IGLON5: variants seen among roughly 807,000 people sequenced by gnomAD.
IGLON5 encodes IgLON family member 5.
IGLON5 carries 16 observed loss-of-function variants against 38.2 expected under a neutral mutation model. That is an observed-to-expected ratio of 0.42 (90% confidence interval 0.28 to 0.64). The LOEUF is 0.64. IGLON5 is among the 30% of genes least tolerant of loss of function. IGLON5 has a pLI of 0.23. For synonymous variants in IGLON5, 207 were observed against 216.4 expected, an observed-to-expected ratio of 0.96 and a Z score of 0.38; for missense variants, 366 against 483.4, an observed-to-expected ratio of 0.76 and a Z score of 2.28.
chr19:51,315,034 G>A (rs1051070693), intron 1 of IGLON5, among the ~76,000 whole-genome samples: 4 of 151,924 alleles, frequency 2.6e-5, no homozygotes, highest in Admixed American at 6.6e-5. Context: ...CTCTGCAATC[G>A]GCCTTTTCCC....
rs1985159749 is a variant in IGLON5, at chr19:51,324,313, C to T, written c.391+419C>T. The stretch of plus-strand genomic sequence containing the variant: ...CTTTGGCTGGGCACAGGGCTAAGAC[C>T]GGAAAAGAAACAGTGTGTGCAGGGC... On this transcript the variant is annotated intron_variant, in intron 3 of 7. Transcript: ENST00000270642. The surrounding 1 kb of genome is among the most constrained non-coding windows in gnomAD (Gnocchi z 4.2). Among the ~76,000 whole-genome samples, 1 of 152,100 alleles carries T rather than the reference C, an allele frequency of 6.6e-6. No individual in the cohort carries two copies. The highest frequency in any genetic ancestry group is 6.5e-5 in the Admixed American group (1 of 15,272).
rs1340823151 is a variant in IGLON5 at position 51,325,155 on chromosome 19, C to T, written c.392-191C>T. On this transcript the variant is annotated intron_variant, in intron 3 of 7. Coordinates refer to ENST00000270642, the MANE Select transcript of IGLON5 (RefSeq NM_001101372.3). This position sits in a 1 kb window ranked among gnomAD's most constrained non-coding sequence, Gnocchi z 5.5. ...AGGGAGAAGGGGCTGGGGTACTGGA[C>T]TCTTGGGTCTGAGGGAAGAGGAACT... is the stretch of plus-strand genomic sequence containing the variant. 6.6e-5 allele frequency among the ~76,000 whole-genome samples: 10 copies of T among 151,178 alleles called. No homozygotes were observed. The East Asian group carries it at 2.0e-3, about 30-fold the overall frequency.
chr19:51,314,340 C>T (rs1162266054), intron 1 of IGLON5, among the ~76,000 whole-genome samples: 2 of 152,058 alleles, frequency 1.3e-5, no homozygotes, highest in African/African-American at 2.4e-5. Context: ...TGTGCCACCA[C>T]GCTGGGCTAA....
rs767807401 is a variant in IGLON5 at position 51,328,339 on chromosome 19, C to CAAAAA, written c.923-321_923-317dup. ...CAACATGGTGAAACTATGTCTCTAC[C>CAAAAA]AAAAAAAAAAAAAAATACAAAAATT... On this transcript the variant is annotated intron_variant, in intron 7 of 7. Coordinates refer to ENST00000270642, the MANE Select transcript of IGLON5 (RefSeq NM_001101372.3). Among the ~76,000 whole-genome samples, 48 of 124,132 alleles carry CAAAAA rather than the reference C, an allele frequency of 3.9e-4. 2 individuals are homozygous for CAAAAA. Among genetic ancestry groups the CAAAAA allele is most frequent in the African/African-American group, 1.2e-3 (36 of 29,102 alleles). The allele number at this position is 124,132 out of a possible 152,430, so 81.4% of individuals were successfully genotyped here. A position where few individuals can be genotyped will look rare whatever the true frequency, so the allele number is the denominator to read the frequency against.
Position 51,324,499 on chromosome 19 carries a change from T to C in IGLON5, c.391+605T>C, listed in dbSNP as rs1225988398. On this transcript the variant is annotated intron_variant, in intron 3 of 7. Coordinates refer to ENST00000270642, the MANE Select transcript of IGLON5 (RefSeq NM_001101372.3). The surrounding 1 kb of genome is among the most constrained non-coding windows in gnomAD (Gnocchi z 4.2). ...AGGGAGCACCTGGAGAGACAGGACC[T>C]GGAGACAGAGAGAATCCAGGGGGAT... is the stretch of plus-strand genomic sequence containing the variant. Among the ~76,000 whole-genome samples the C allele has an allele frequency of 1.3e-5, 2 of 151,988 alleles. No homozygotes were observed. The highest frequency in any genetic ancestry group is 2.4e-5 in the African/African-American group (1 of 41,372).
chr19:51,315,278 G>C (rs972047916), intron 1 of IGLON5, among the ~76,000 whole-genome samples: 1 of 150,240 alleles, frequency 6.7e-6, no homozygotes. Flanking sequence ...ATGGTCAGGA[G>C]GGGGCAGGAG....
At chr19:51,317,426 T>C (rs1273496629) in intron 1 of IGLON5, among the ~76,000 whole-genome samples, 1 of 152,114 alleles carries the variant, frequency 6.6e-6, no homozygotes, top group Non-Finnish European at 1.5e-5. Context: ...CCATTTCAGG[T>C]GGGGAAACTG....
At chr19:51,326,740 C>T in intron 4 of IGLON5, 24 bp from the exon 5 acceptor site, 1 of 1,531,906 alleles carries the variant, frequency 6.5e-7, no homozygotes, top group Non-Finnish European at 8.8e-7. Flanking sequence ...CGGCCCCGCC[C>T]CCTCCTCCTC....
intron 1 of IGLON5, among the ~76,000 whole-genome samples, chr19:51,313,647 TTTTC>T (rs1555750477): frequency 0.022 from 2,543 of 116,148 alleles, 43 homozygotes; most frequent in South Asian, 0.023. Flanking sequence ...CTCTCTCTCT[TTTTC>T]TTTCTTTCTT....
rs911489254 is a variant in IGLON5, at chr19:51,325,880, C to T, written c.511+415C>T. On this transcript the variant is annotated intron_variant, in intron 4 of 7. Transcript: ENST00000270642. This position sits in a 1 kb window ranked among gnomAD's most constrained non-coding sequence, Gnocchi z 5.5. ...CTGGACGCTCTAGCCCAGCGGGCCT[C>T]ATGGTGTGGGCCCCAGACCCGAAGC... is the stretch of plus-strand genomic sequence containing the variant. 5.9e-5 allele frequency among the ~76,000 whole-genome samples: 9 copies of T among 152,140 alleles called. No individual in the cohort carries two copies. The highest frequency in any genetic ancestry group is 2.2e-4 in the African/African-American group (9 of 41,412).
rs1272569356 is a variant in IGLON5 at position 51,325,790 on chromosome 19, G to A, written c.511+325G>A. On this transcript the variant is annotated intron_variant, in intron 4 of 7. Coordinates refer to ENST00000270642, the MANE Select transcript of IGLON5 (RefSeq NM_001101372.3). The surrounding 1 kb of genome is among the most constrained non-coding windows in gnomAD (Gnocchi z 5.5). ...GCATTCTCCTGGGCTGAGATCCCCTGCCACTAGGTGCCCTAAGCCAGGCTG... is the reference window on the plus strand; with the variant it reads ...GCATTCTCCTGGGCTGAGATCCCCTACCACTAGGTGCCCTAAGCCAGGCTG... Among the ~76,000 whole-genome samples the A allele has an allele frequency of 6.6e-6, 1 of 152,008 alleles. No individual in the cohort carries two copies. Among genetic ancestry groups the A allele is most frequent in the African/African-American group, 2.4e-5 (1 of 41,374 alleles).
At chr19:51,321,019 GT>G (rs1396864505) in intron 1 of IGLON5, among the ~76,000 whole-genome samples, 6 of 152,108 alleles carry the variant, frequency 3.9e-5, no homozygotes, top group African/African-American at 1.4e-4. Flanking sequence ...ATGTACATGT[GT>G]ATTTGTGTGT....
At position 51,325,149 on chromosome 19, in the gene IGLON5, A is replaced by G. The variant is rs572418774; in HGVS notation, c.392-197A>G. ...GGTCTGAGGGAGAAGGGGCTGGGGT[A>G]CTGGACTCTTGGGTCTGAGGGAAGA... On this transcript the variant is annotated intron_variant, in intron 3 of 7. Coordinates refer to ENST00000270642, the MANE Select transcript of IGLON5 (RefSeq NM_001101372.3). The surrounding 1 kb of genome is among the most constrained non-coding windows in gnomAD (Gnocchi z 5.5). Among the ~76,000 whole-genome samples the G allele has an allele frequency of 2.0e-5, 3 of 151,212 alleles. No homozygotes were observed. The highest frequency in any genetic ancestry group is 1.3e-4 in the Admixed American group (2 of 15,220).
At position 51,327,928 on chromosome 19, in the gene IGLON5, C is replaced by A. The variant is rs988345931; in HGVS notation, c.922+42C>A. Reference sequence around the variant, plus strand: ...GGCGGGGCCGGGAAGGTGGGCGGGGCCGGGGGCGGGGCTAGGGAAGTGGAG... The same window carrying A: ...GGCGGGGCCGGGAAGGTGGGCGGGGACGGGGGCGGGGCTAGGGAAGTGGAG... On this transcript the variant is annotated intron_variant, in intron 7 of 7. Coordinates refer to ENST00000270642, the MANE Select transcript of IGLON5 (RefSeq NM_001101372.3). The surrounding 1 kb of genome is among the most constrained non-coding windows in gnomAD (Gnocchi z 7.1). 4 of 1,441,074 alleles carry A rather than the reference C, an allele frequency of 2.8e-6. No homozygotes were observed. Among genetic ancestry groups the A allele is most frequent in the East Asian group, 2.6e-5 (1 of 38,508 alleles). 89.3% of individuals were successfully genotyped at this position (1,441,074 alleles called of 1,614,324 possible).
At chr19:51,326,724 T>C (rs1985224211) in intron 4 of IGLON5, 40 bp from the exon 5 acceptor site, 1 of 1,507,148 alleles carries the variant, frequency 6.6e-7, no homozygotes, top group Non-Finnish European at 8.9e-7. Flanking sequence ...GTTAAGTGTT[T>C]GTGTCCGGCC....
At chr19:51,312,332 T>C (rs1307931952) in intron 1 of IGLON5, among the ~76,000 whole-genome samples, 1 of 151,520 alleles carries the variant, frequency 6.6e-6, no homozygotes, top group Non-Finnish European at 1.5e-5. Context: ...GATAATGCCC[T>C]GTTAGGGGTC....
intron 2 of IGLON5, among the ~76,000 whole-genome samples, 173 bp from the exon 3 acceptor site, chr19:51,323,489 T>C (rs1266275422): frequency 1.3e-5 from 2 of 152,192 alleles, no homozygotes; most frequent in Admixed American, 6.5e-5. Flanking sequence ...CAGCTTTCCC[T>C]CCCTGAGGCT....
In IGLON5 at chr19:51,329,731, A is replaced by C. The variant is rs1270242307; in HGVS notation, c.*972A>C. 1 of 152,254 alleles carries C rather than the reference A, an allele frequency of 6.6e-6. No individual in the cohort carries two copies. Among genetic ancestry groups the C allele is most frequent in the Non-Finnish European group, 1.5e-5 (1 of 68,218 alleles). The allele number at this position is 152,254 out of a possible 1,614,324, so 9.4% of individuals were successfully genotyped here. On this transcript the variant is annotated 3_prime_UTR_variant, in exon 8 of 8. Transcript: ENST00000270642. The surrounding 1 kb of genome is among the most constrained non-coding windows in gnomAD (Gnocchi z 4.3). ...CCCACAGGTGTGAGCTTGCTGGTCT[A>C]TCACTTCCTGGCCTCTCCACCAACT... is the stretch of plus-strand genomic sequence containing the variant.
intron 3 of IGLON5, 88 bp downstream of exon 3, chr19:51,323,982 A>G (rs190380000): frequency 6.8e-6 from 6 of 878,234 alleles, no homozygotes; most frequent in Non-Finnish European, 1.1e-5. Context: ...GTGTTCCCCA[A>G]CCCCAGGGAT....
Sources: allele counts gnomAD v4.1 joint callset (sites outside exome capture counted in the v4.1 genomes callset), GRCh38; gene constraint gnomAD v4.1.1; non-coding constraint Gnocchi (gnomAD v3.1); transcripts MANE v1.5; gene names NCBI Gene and HGNC (gene_info 2026-07-23, HGNC 2026-07-21).